Variants in EFHD1 observed in about 807,000 individuals in gnomAD.
EFHD1 encodes the protein EF-hand domain-containing protein D1.
Under a neutral mutation model 17.2 loss-of-function variants are expected in EFHD1, and 10 were observed. That is an observed-to-expected ratio of 0.58 (90% CI 0.36 to 0.99). The LOEUF (loss-of-function observed/expected upper bound fraction) is 0.99. Ranked by LOEUF, EFHD1 falls within the 50% of genes least tolerant of loss-of-function variation. The pLI is 0.01. For synonymous variants in EFHD1, 153 were observed against 142.0 expected (o/e 1.08, Z -0.55); for missense variants, 310 against 327.5 (o/e 0.95, Z 0.41).
upstream of EFHD1, among the ~76,000 whole-genome samples, chr2:232,632,175 T>C (rs1694214993): frequency 6.6e-6 from 1 of 152,208 alleles, no homozygotes; most frequent in South Asian, 2.1e-4. Flanking sequence ...CCGTGATCTA[T>C]TTGCAGGGTT....
intron 1 of EFHD1, among the ~76,000 whole-genome samples, chr2:232,608,778 A>G (rs530042523): frequency 7.9e-5 from 12 of 152,064 alleles, no homozygotes; most frequent in Non-Finnish European, 1.5e-4. Flanking sequence ...AAAAGTACAA[A>G]AATTAGCTGG....
intron 1 of EFHD1, among the ~76,000 whole-genome samples, chr2:232,621,178 G>T (rs1321761454): frequency 6.6e-6 from 1 of 152,174 alleles, no homozygotes; most frequent in Non-Finnish European, 1.5e-5. Context: ...TGGCTGAGTG[G>T]CTGTCTGCAT....
At chr2:232,667,572 G>A (rs1694991644) in intron 2 of EFHD1, among the ~76,000 whole-genome samples, 1 of 149,766 alleles carries the variant, frequency 6.7e-6, no homozygotes, top group Non-Finnish European at 1.5e-5. Context: ...TTTATTTTGA[G>A]ACGGAGTTTT....
intron 1 of EFHD1, among the ~76,000 whole-genome samples, chr2:232,637,324 G>A (rs1694336256): frequency 6.7e-6 from 1 of 149,800 alleles, no homozygotes; most frequent in South Asian, 2.1e-4. Flanking sequence ...GTGTGTTTCT[G>A]TGTCTTCACA....
At chr2:232,625,517 G>A (rs1694091185) in intron 1 of EFHD1, among the ~76,000 whole-genome samples, 1 of 152,092 alleles carries the variant, frequency 6.6e-6, no homozygotes. Context: ...GCTTAGGATG[G>A]GAGTCTACCC....
intron 1 of EFHD1, among the ~76,000 whole-genome samples, chr2:232,648,693 C>G (rs749726118): frequency 6.6e-6 from 1 of 151,946 alleles, no homozygotes; most frequent in Non-Finnish European, 1.5e-5. Flanking sequence ...GTGTGGGGGG[C>G]TTGTGAACAT....
At chr2:232,644,458 G>C (rs2106199822) in intron 1 of EFHD1, among the ~76,000 whole-genome samples, 1 of 151,968 alleles carries the variant, frequency 6.6e-6, no homozygotes, top group Middle Eastern at 3.4e-3. Flanking sequence ...GTATAAGTCA[G>C]GTGTGAGTGT....
chr2:232,622,558 C>G (rs914369110), intron 1 of EFHD1, among the ~76,000 whole-genome samples: 3 of 152,050 alleles, frequency 2.0e-5, no homozygotes, highest in African/African-American at 7.2e-5. Context: ...ATCCCTGGAG[C>G]CTGGGTCGGA....
intron 3 of EFHD1, among the ~76,000 whole-genome samples, chr2:232,680,116 T>C (rs1695249267): frequency 6.6e-6 from 1 of 151,920 alleles, no homozygotes; most frequent in African/African-American, 2.4e-5. Context: ...CTACTAAAAA[T>C]ACAAAAATTA....
Position 232,682,455 on chromosome 2 carries a change from G to C in EFHD1, c.*736G>C, listed in dbSNP as rs1695306807. ...ACTGTAAGAACGAAAGAATAGTTAG[G>C]ATACCAATGAGTAAAAGGGTTCCTG... On this transcript the variant is annotated 3_prime_UTR_variant, in exon 4 of 4. Transcript: ENST00000264059. The C allele has an allele frequency of 6.6e-6, 1 of 152,214 alleles. No homozygotes were observed. The highest frequency in any genetic ancestry group is 2.4e-5 in the African/African-American group (1 of 41,404). 9.4% of individuals were successfully genotyped at this position (152,214 alleles called of 1,614,324 possible). A position where few individuals can be genotyped will look rare whatever the true frequency, so the allele number is the denominator to read the frequency against.
At chr2:232,657,899 C>CTTT (rs1194396166) in intron 1 of EFHD1, among the ~76,000 whole-genome samples, 10 of 100,644 alleles carry the variant, frequency 9.9e-5, no homozygotes, top group Non-Finnish European at 1.6e-4. Flanking sequence ...TCTTTCTTTT[C>CTTT]TTTTTTTTTT....
intron 1 of EFHD1, among the ~76,000 whole-genome samples, chr2:232,625,544 C>T (rs776662738): frequency 6.6e-6 from 1 of 152,132 alleles, no homozygotes; most frequent in Non-Finnish European, 1.5e-5. Flanking sequence ...CTTTGCAATA[C>T]TGTGTAGATA....
chr2:232,666,122 G>T (rs554029213), intron 2 of EFHD1, among the ~76,000 whole-genome samples: 3 of 152,324 alleles, frequency 2.0e-5, no homozygotes, highest in South Asian at 4.1e-4. Flanking sequence ...CTTGTCCCTT[G>T]CTTCTATAAA....
At chr2:232,665,692 G>A (rs774746666) in intron 2 of EFHD1, among the ~76,000 whole-genome samples, 4 of 152,194 alleles carry the variant, frequency 2.6e-5, no homozygotes, top group Non-Finnish European at 5.9e-5. Context: ...AAAGTGCTGG[G>A]AATATAGGCG....
At chr2:232,647,889 G>A (rs185600592) in intron 1 of EFHD1, among the ~76,000 whole-genome samples, 82 of 151,946 alleles carry the variant, frequency 5.4e-4, no homozygotes, top group African/African-American at 1.6e-3. Context: ...CACCCACCTC[G>A]GCCTCCCTAA....
intron 1 of EFHD1, among the ~76,000 whole-genome samples, chr2:232,625,971 G>C (rs1375095606): frequency 2.0e-5 from 3 of 151,646 alleles, no homozygotes; most frequent in Non-Finnish European, 4.4e-5. Context: ...CGGGAGGATT[G>C]CTTGAGCTCA....
intron 1 of EFHD1, among the ~76,000 whole-genome samples, chr2:232,643,835 A>G (rs1388366692): frequency 6.6e-6 from 1 of 152,034 alleles, no homozygotes; most frequent in South Asian, 2.1e-4. Flanking sequence ...AGGGCGTGCT[A>G]CCACGCCCAG....
intron 1 of EFHD1, among the ~76,000 whole-genome samples, chr2:232,620,503 A>G (rs1203892834): frequency 6.6e-6 from 1 of 151,216 alleles, no homozygotes; most frequent in African/African-American, 2.4e-5. Context: ...CTCCTGCCTC[A>G]GCCTCCTGAG....
chr2:232,623,107 C>T (rs1248706632), intron 1 of EFHD1, among the ~76,000 whole-genome samples: 2 of 152,050 alleles, frequency 1.3e-5, no homozygotes, highest in Non-Finnish European at 2.9e-5. Flanking sequence ...AGTGCAAAGG[C>T]ACGATCAGGG....
Sources: gnomAD v4.1 joint callset for allele counts (sites outside exome capture counted in the v4.1 genomes callset) on GRCh38, gnomAD v4.1.1 for gene constraint, MANE v1.5 for transcripts, NCBI Gene and HGNC (gene_info 2026-07-23, HGNC 2026-07-21) for gene names.